Variants in DNAH5 observed in about 807,000 individuals in gnomAD.
The protein encoded by DNAH5 is axonemal beta dynein heavy chain 5.
A neutral mutation model predicts 518.2 loss-of-function variants in DNAH5; 372 were observed. The ratio of observed to expected loss-of-function variants is 0.72; its 90% CI spans 0.66 to 0.78. DNAH5 has a LOEUF of 0.78. Ranked by LOEUF, DNAH5 falls within the 30% of genes least tolerant of loss-of-function variation. DNAH5 has a pLI of 0.00. For synonymous variants in DNAH5, 2,039 were observed against 2,025.9 expected, an observed-to-expected ratio of 1.01 and a Z score of -0.17; for missense variants, 5,523 against 5,687.0, an observed-to-expected ratio of 0.97 and a Z score of 0.93.
At position 13,882,993 on chromosome 5, in the gene DNAH5, C is replaced by A; in HGVS notation, c.3085G>T (p.Asp1029Tyr). Residue 1029 changes from aspartate (D) to tyrosine (Y), a missense_variant, in exon 20 of 79, where the codon GAT becomes TAT. Transcript: ENST00000265104. ...PNIVMAPALEDVQQTLNKAVE... is the reference protein window; with the variant it reads ...PNIVMAPALEYVQQTLNKAVE... ...GCTTTGTTCAGGGTCTGCTGTACAT[C>A]TTCCAGGGCAGGGGCCATGACGATG... 1.9e-6 allele frequency: 3 copies of A among 1,614,170 alleles called. No individual in the cohort carries two copies. Among genetic ancestry groups the A allele is most frequent in the Non-Finnish European group, 2.5e-6 (3 of 1,180,024 alleles).
Position 13,913,922 on chromosome 5 carries a change from G to T in DNAH5, c.1357C>A (p.Leu453Ile). The change falls in exon 11 of 79, where the codon CTT (leucine) becomes ATT (isoleucine). Residue 453 changes from leucine to isoleucine, a missense_variant. Coordinates refer to ENST00000265104, the MANE Select transcript of DNAH5 (RefSeq NM_001369.3). ...TGTTTTGCATTTGGATTTTGTTTAA[G>T]CTTTTGTTTTGTCTTGTGAAAGCAG... ...QLCFHKTKQK[L>I]KQNPNAKQFD... The T allele has an allele frequency of 6.2e-7, 1 of 1,613,340 alleles. No homozygotes were observed. Among genetic ancestry groups the T allele is most frequent in the East Asian group, 2.2e-5 (1 of 44,848 alleles).
intron 78 of DNAH5, among the ~76,000 whole-genome samples, chr5:13,693,714 C>T (rs1740998211): frequency 2.0e-5 from 3 of 152,152 alleles, no homozygotes; most frequent in Admixed American, 1.3e-4. Context: ...GTTACCCAGA[C>T]CAAATATGTC....
At chr5:13,748,850 T>A (rs1749796085) in intron 65 of DNAH5, among the ~76,000 whole-genome samples, 2 of 152,116 alleles carry the variant, frequency 1.3e-5, no homozygotes, top group Admixed American at 1.3e-4. Context: ...CTTCCTCTTT[T>A]CCTAATTGAA....
intron 51 of DNAH5, 44 bp from the exon 52 acceptor site, chr5:13,786,395 G>A: frequency 6.4e-7 from 1 of 1,559,734 alleles, no homozygotes; most frequent in South Asian, 1.1e-5. Flanking sequence ...GCAAATACCT[G>A]CATTTTACTT....
intron 1 of DNAH5, among the ~76,000 whole-genome samples, chr5:13,985,377 T>C (rs1460650335): frequency 2.7e-5 from 4 of 150,354 alleles, no homozygotes; most frequent in Non-Finnish European, 5.9e-5. Flanking sequence ...TGTATACATA[T>C]GTAAAAAACC....
At chr5:13,989,962 G>A (rs1177720640) in intron 1 of DNAH5, among the ~76,000 whole-genome samples, 3 of 152,074 alleles carry the variant, frequency 2.0e-5, no homozygotes, top group African/African-American at 7.2e-5. Flanking sequence ...CAACAGGGCT[G>A]CGAAGTAGGT....
chr5:13,953,005 A>G (rs1780531479), intron 1 of DNAH5, among the ~76,000 whole-genome samples: 1 of 152,250 alleles, frequency 6.6e-6, no homozygotes, highest in Non-Finnish European at 1.5e-5. Flanking sequence ...GCGTTGTCAC[A>G]AGACAAATCT....
At chr5:13,867,375 C>T (rs571699897) in intron 25 of DNAH5, among the ~76,000 whole-genome samples, 26 of 152,098 alleles carry the variant, frequency 1.7e-4, no homozygotes, top group South Asian at 6.2e-4. Context: ...TCATGAGATC[C>T]GATGGTTTTA....
intron 19 of DNAH5, among the ~76,000 whole-genome samples, chr5:13,884,562 TGCGGTG>T (rs1772114426): frequency 6.6e-6 from 1 of 152,222 alleles, no homozygotes; most frequent in South Asian, 2.1e-4. Flanking sequence ...TATGGCCAAG[TGCGGTG>T]GCTCACGCCT....
chr5:13,967,023 G>A (rs550537176), intron 1 of DNAH5, among the ~76,000 whole-genome samples: 10 of 152,048 alleles, frequency 6.6e-5, no homozygotes, highest in African/African-American at 7.2e-5. Flanking sequence ...CACCACACCC[G>A]GATAATTTTT....
At chr5:13,849,649 A>G (rs6859862) in intron 31 of DNAH5, among the ~76,000 whole-genome samples, 56,822 of 151,970 alleles carry the variant, frequency 0.37, 10,899 homozygotes, top group South Asian at 0.47. Flanking sequence ...CTCTGAGCTT[A>G]TTAGCCCTTT....
intron 56 of DNAH5, 70 bp from the exon 57 acceptor site, chr5:13,769,685 C>T (rs1397485320): frequency 7.9e-7 from 1 of 1,269,260 alleles, no homozygotes; most frequent in East Asian, 2.3e-5. Context: ...AAGTACTGGT[C>T]CAATAATGAG....
chr5:13,885,294 T>C (rs1475748885), intron 18 of DNAH5, 66 bp from the exon 19 acceptor site: 10 of 1,564,896 alleles, frequency 6.4e-6, no homozygotes, highest in South Asian at 1.1e-5. Flanking sequence ...GATAGACAGA[T>C]AGATAGACAG....
chr5:13,793,439 G>A, intron 49 of DNAH5, 76 bp downstream of exon 49: 1 of 1,251,344 alleles, frequency 8.0e-7, no homozygotes, highest in Non-Finnish European at 1.2e-6. Flanking sequence ...TGTGGGTCTT[G>A]GGTGAAGATT....
At chr5:13,890,786 G>A (rs570782978) in intron 17 of DNAH5, among the ~76,000 whole-genome samples, 190 bp downstream of exon 17, 68 of 152,262 alleles carry the variant, frequency 4.5e-4, no homozygotes, top group African/African-American at 1.6e-3. Flanking sequence ...CCATAGCTAA[G>A]TGACCGCTTA....
At chr5:13,966,691 A>G (rs1377712073) in intron 1 of DNAH5, among the ~76,000 whole-genome samples, 1 of 151,970 alleles carries the variant, frequency 6.6e-6, no homozygotes, top group Non-Finnish European at 1.5e-5. Context: ...TCTTTAGCCC[A>G]CTTTTTGATG....
At chr5:13,866,347 T>G in intron 25 of DNAH5, 65 bp from the exon 26 acceptor site, 8 of 1,297,678 alleles carry the variant, frequency 6.2e-6, no homozygotes, top group South Asian at 2.6e-5. Flanking sequence ...ATGAACTCAA[T>G]CCATATTTAA....
chr5:13,828,876 A>G (rs1326393401), intron 38 of DNAH5, among the ~76,000 whole-genome samples: 1 of 152,212 alleles, frequency 6.6e-6, no homozygotes, highest in African/African-American at 2.4e-5. Flanking sequence ...GACACAAACC[A>G]CAGGACTCAT....
chr5:13,778,572 A>AAGAC (rs1269824242), intron 53 of DNAH5, among the ~76,000 whole-genome samples: 1 of 73,392 alleles, frequency 1.4e-5, no homozygotes, highest in Non-Finnish European at 3.0e-5. Flanking sequence ...GAAAGAAAGA[A>AAGAC]AGAAAGAAAG....
Sources: gnomAD v4.1 joint callset for allele counts (sites outside exome capture counted in the v4.1 genomes callset) on GRCh38, gnomAD v4.1.1 for gene constraint, MANE v1.5 for transcripts, NCBI Gene and HGNC (gene_info 2026-07-23, HGNC 2026-07-21) for gene names.